Variants in DTNBP1 observed in about 807,000 individuals in gnomAD.
The protein encoded by DTNBP1 is dysbindin.
In DTNBP1, 35 loss-of-function variants were observed where a neutral mutation model predicts 42.8. The ratio of observed to expected loss-of-function variants is 0.82; its 90% CI spans 0.63 to 1.09. The LOEUF is 1.09. Ranked by LOEUF, DTNBP1 falls within the 50% of genes least tolerant of loss-of-function variation. The pLI is 0.00. For missense variants in DTNBP1, 457 were observed against 424.2 expected (o/e 1.08, Z -0.68); for synonymous variants, 171 against 162.2 (o/e 1.05, Z -0.41).
intron 5 of DTNBP1, among the ~76,000 whole-genome samples, chr6:15,625,229 T>G (rs935203506): frequency 3.3e-5 from 5 of 152,070 alleles, no homozygotes; most frequent in Non-Finnish European, 5.9e-5. Flanking sequence ...AACAGATAAT[T>G]CAGATTGGCA....
chr6:15,654,901 T>C (rs1474113460), intron 1 of DTNBP1, among the ~76,000 whole-genome samples: 1 of 152,210 alleles, frequency 6.6e-6, no homozygotes, highest in Admixed American at 6.5e-5. Flanking sequence ...TAGTGTTAAT[T>C]TTATTAGTTA....
chr6:15,607,164 C>A (rs557814995), intron 6 of DTNBP1, among the ~76,000 whole-genome samples: 1 of 152,170 alleles, frequency 6.6e-6, no homozygotes. Context: ...GCACCCACTA[C>A]CACATCCAGC....
At chr6:15,525,232 G>A (rs559260596) in intron 8 of DTNBP1, among the ~76,000 whole-genome samples, 11 of 152,312 alleles carry the variant, frequency 7.2e-5, no homozygotes, top group East Asian at 3.9e-4. Flanking sequence ...ACCAGCAGAC[G>A]GCGACCCCAT....
rs190063520 is a variant in DTNBP1, at chr6:15,615,244, T to A, written c.488+23A>T. The A allele has an allele frequency of 6.1e-4, 978 of 1,614,174 alleles. 2 individuals carry two copies. The highest frequency in any genetic ancestry group is 8.2e-5 in the Non-Finnish European group (97 of 1,180,010). On this transcript the variant is annotated intron_variant, in intron 6 of 9. Transcript: ENST00000344537. ...AAAACTTCGAGACTGGAATGAATAC[T>A]GTGGCAAACTTTTCAAACTCACCTC...
intron 3 of DTNBP1, among the ~76,000 whole-genome samples, chr6:15,639,202 T>G (rs1197627894): frequency 6.6e-6 from 1 of 152,214 alleles, no homozygotes; most frequent in Non-Finnish European, 1.5e-5. Flanking sequence ...TAATGTTAAT[T>G]TTCTGGTTTG....
chr6:15,528,640 G>A (rs61125864), intron 8 of DTNBP1, among the ~76,000 whole-genome samples: 3,860 of 152,244 alleles, frequency 0.025, 179 homozygotes, highest in African/African-American at 0.087. Flanking sequence ...ACCAAGTGCC[G>A]GCGAAGATGT....
At chr6:15,524,240 G>A (rs763098213) in intron 9 of DTNBP1, 1 of 1,573,674 alleles carries the variant, frequency 6.4e-7, no homozygotes, top group Non-Finnish European at 8.6e-7. Flanking sequence ...GACTCAAATG[G>A]ATTTCTGGGT....
intron 5 of DTNBP1, among the ~76,000 whole-genome samples, chr6:15,621,553 C>T (rs1002719153): frequency 2.0e-5 from 3 of 152,186 alleles, no homozygotes; most frequent in African/African-American, 4.8e-5. Flanking sequence ...CTGAATAGGA[C>T]GGCCTCATGC....
At chr6:15,628,812 A>C (rs1759513222) in intron 4 of DTNBP1, among the ~76,000 whole-genome samples, 1 of 152,252 alleles carries the variant, frequency 6.6e-6, no homozygotes, top group Non-Finnish European at 1.5e-5. Flanking sequence ...TATCAAAGAT[A>C]CAAAATTATT....
chr6:15,578,556 T>A (rs911420610), intron 7 of DTNBP1, among the ~76,000 whole-genome samples: 1 of 152,196 alleles, frequency 6.6e-6, no homozygotes, highest in African/African-American at 2.4e-5. Context: ...TAAGGAATTA[T>A]TGCATAGTAC....
intron 4 of DTNBP1, among the ~76,000 whole-genome samples, chr6:15,632,361 T>C (rs1471105207): frequency 4.6e-5 from 7 of 152,236 alleles, no homozygotes; most frequent in Non-Finnish European, 7.3e-5. Context: ...AAAAAATGTA[T>C]AGTTTTCCTT....
chr6:15,610,051 G>A (rs1203797354), intron 6 of DTNBP1, among the ~76,000 whole-genome samples: 2 of 152,180 alleles, frequency 1.3e-5, no homozygotes, highest in East Asian at 1.9e-4. Context: ...TAGTTCCTCT[G>A]TTTTCAATAC....
At chr6:15,581,234 C>CAG (rs1359053741) in intron 7 of DTNBP1, among the ~76,000 whole-genome samples, 1 of 152,222 alleles carries the variant, frequency 6.6e-6, no homozygotes, top group Non-Finnish European at 1.5e-5. Context: ...GGCTGGAGGG[C>CAG]AGTGGCTCCA....
At chr6:15,662,713 C>A in intron 1 of DTNBP1, 101 bp downstream of exon 1, 1 of 1,515,116 alleles carries the variant, frequency 6.6e-7, no homozygotes. Flanking sequence ...CGGGACAGGA[C>A]GGACCCTGGA....
At chr6:15,633,797 A>C (rs1759832728) in intron 4 of DTNBP1, among the ~76,000 whole-genome samples, 1 of 152,188 alleles carries the variant, frequency 6.6e-6, no homozygotes, top group Admixed American at 6.5e-5. Flanking sequence ...TAAACATTAA[A>C]AAAAAACAAA....
chr6:15,540,196 GA>G (rs67958374), intron 7 of DTNBP1, among the ~76,000 whole-genome samples: 1 of 150,768 alleles, frequency 6.6e-6, no homozygotes. Context: ...GTACTCGTAA[GA>G]AAAAAAAATG....
chr6:15,556,871 T>G (rs1774554810), intron 7 of DTNBP1, among the ~76,000 whole-genome samples: 1 of 152,180 alleles, frequency 6.6e-6, no homozygotes, highest in South Asian at 2.1e-4. Context: ...ATGTTGAAAC[T>G]CCTGGTCAGA....
intron 6 of DTNBP1, among the ~76,000 whole-genome samples, chr6:15,607,048 T>C (rs953040116): frequency 6.6e-6 from 1 of 150,382 alleles, no homozygotes; most frequent in East Asian, 1.9e-4. Context: ...TCTCACTCTG[T>C]AACCCAGGCT....
intron 7 of DTNBP1, among the ~76,000 whole-genome samples, chr6:15,535,546 A>T (rs1298683182): frequency 6.6e-6 from 1 of 152,062 alleles, no homozygotes; most frequent in Non-Finnish European, 1.5e-5. Flanking sequence ...TCAAACTCCT[A>T]CCTCAAGTGA....
Sources: allele counts gnomAD v4.1 joint callset (sites outside exome capture counted in the v4.1 genomes callset), GRCh38; gene constraint gnomAD v4.1.1; transcripts MANE v1.5; gene names NCBI Gene and HGNC (gene_info 2026-07-23, HGNC 2026-07-21).